MAGI3: variants seen among roughly 807,000 people sequenced by gnomAD.
MAGI3 encodes membrane associated guanylate kinase, WW and PDZ domain containing 3, also known as membrane-associated guanylate kinase, WW and PDZ domain-containing protein 3.
A neutral mutation model predicts 121.8 loss-of-function variants in MAGI3; 43 were observed. That is an observed-to-expected ratio of 0.35 (90% CI 0.28 to 0.46). MAGI3 has a LOEUF of 0.46. Among genes scored for constraint, MAGI3 ranks in the 20% least tolerant of loss-of-function variants. The probability of loss-of-function intolerance (pLI) is 1.00; values close to 1 mark genes in which losing one functional copy is unlikely to be tolerated. For missense variants in MAGI3, 1,547 were observed against 1,797.3 expected, an observed-to-expected ratio of 0.86 and a Z score of 2.52; for synonymous variants, 553 against 639.3, an observed-to-expected ratio of 0.86 and a Z score of 2.04.
At chr1:113,462,588 A>G (rs1655087879) in intron 1 of MAGI3, among the ~76,000 whole-genome samples, 1 of 152,154 alleles carries the variant, frequency 6.6e-6, no homozygotes, top group African/African-American at 2.4e-5. Context: ...GGCGCAGAAA[A>G]TATAACTATT....
chr1:113,672,507 G>A, intron 17 of MAGI3, 108 bp from the exon 18 acceptor site: 1 of 1,275,796 alleles, frequency 7.8e-7, no homozygotes, highest in East Asian at 2.5e-5. Context: ...TGGTTTGTCA[G>A]AGGGAAAATG....
intron 6 of MAGI3, among the ~76,000 whole-genome samples, chr1:113,597,512 C>T (rs1024629006): frequency 1.3e-5 from 2 of 152,114 alleles, no homozygotes; most frequent in Admixed American, 6.5e-5. Context: ...AGGACTTATG[C>T]ACTTCACAAA....
At chr1:113,512,441 G>T (rs1239278271) in intron 1 of MAGI3, among the ~76,000 whole-genome samples, 1 of 152,188 alleles carries the variant, frequency 6.6e-6, no homozygotes, top group Non-Finnish European at 1.5e-5. Flanking sequence ...ACCATCTACA[G>T]ATCTTTGTGT....
intron 1 of MAGI3, among the ~76,000 whole-genome samples, chr1:113,530,663 G>A (rs910525466): frequency 2.0e-5 from 3 of 152,114 alleles, no homozygotes; most frequent in Non-Finnish European, 4.4e-5. Flanking sequence ...CCTTATGCCT[G>A]TAATCCCAGC....
chr1:113,437,816 T>C (rs1050570337), intron 1 of MAGI3, among the ~76,000 whole-genome samples: 1 of 6,984 alleles, frequency 1.4e-4, no homozygotes, highest in East Asian at 0.017. Context: ...TTTCTTCTTC[T>C]TCTTCTTCTT....
At chr1:113,588,901 A>AAG (rs1476490542) in intron 4 of MAGI3, among the ~76,000 whole-genome samples, 1 of 152,126 alleles carries the variant, frequency 6.6e-6, no homozygotes, top group African/African-American at 2.4e-5. Context: ...CCAAGGGGTA[A>AAG]AGAGAATTAT....
intron 8 of MAGI3, among the ~76,000 whole-genome samples, chr1:113,622,366 T>C (rs1650881703): frequency 6.6e-6 from 1 of 152,074 alleles, no homozygotes; most frequent in Non-Finnish European, 1.5e-5. Context: ...TCCTAAATTA[T>C]CCACTAAACA....
intron 19 of MAGI3, among the ~76,000 whole-genome samples, chr1:113,679,897 G>A (rs1387595247): frequency 1.3e-5 from 2 of 151,804 alleles, no homozygotes; most frequent in East Asian, 3.9e-4. Flanking sequence ...TAGAGACCGG[G>A]TTTCTCCATG....
chr1:113,491,325 CTAA>C (rs1652831129), intron 1 of MAGI3, among the ~76,000 whole-genome samples: 1 of 152,100 alleles, frequency 6.6e-6, no homozygotes, highest in African/African-American at 2.4e-5. Flanking sequence ...TTCTTTGAAA[CTAA>C]TGAGAACAAA....
At position 113,580,667 on chromosome 1, in the gene MAGI3, TC is replaced by T. The variant is rs1490903377; in HGVS notation, c.553+10del. On this transcript the variant is annotated splice_region_variant and intron_variant, in intron 3 of 20. Transcript: ENST00000307546. The stretch of plus-strand genomic sequence containing the variant: ...AGAAAGTGGGACATATGATGGTATG[TC>T]CCCAAATAACATCACTACCACCCAA... 1.3e-6 allele frequency: 2 copies of T among 1,595,556 alleles called. No homozygotes were observed. Among genetic ancestry groups the T allele is most frequent in the South Asian group, 1.1e-5 (1 of 87,374 alleles).
intron 17 of MAGI3, among the ~76,000 whole-genome samples, 166 bp downstream of exon 17, chr1:113,672,002 T>A (rs1200302941): frequency 1.3e-5 from 2 of 152,210 alleles, no homozygotes; most frequent in African/African-American, 4.8e-5. Context: ...ACCGTCCCCA[T>A]CACCTCCACC....
At chr1:113,418,043 G>A (rs1055437393) in intron 1 of MAGI3, among the ~76,000 whole-genome samples, 2 of 151,342 alleles carry the variant, frequency 1.3e-5, no homozygotes, top group Admixed American at 6.6e-5. Flanking sequence ...GGGCTTTTTC[G>A]ACCTAAGACC....
chr1:113,415,466 C>T (rs1350188655), intron 1 of MAGI3, among the ~76,000 whole-genome samples: 6 of 151,796 alleles, frequency 4.0e-5, no homozygotes, highest in Non-Finnish European at 8.8e-5. Context: ...TCCTTTTTTT[C>T]CTATCACTTT....
intron 1 of MAGI3, among the ~76,000 whole-genome samples, chr1:113,532,652 T>C (rs990386929): frequency 1.3e-5 from 2 of 152,216 alleles, no homozygotes; most frequent in African/African-American, 4.8e-5. Flanking sequence ...ACGATAGTAT[T>C]CTTCAATAGC....
intron 1 of MAGI3, among the ~76,000 whole-genome samples, chr1:113,452,572 A>T (rs1362612460): frequency 6.6e-6 from 1 of 152,100 alleles, no homozygotes; most frequent in Non-Finnish European, 1.5e-5. Flanking sequence ...ATGGGAATGC[A>T]GTACTGTGAG....
chr1:113,566,595 A>G (rs796210619), intron 2 of MAGI3, among the ~76,000 whole-genome samples: 8 of 152,314 alleles, frequency 5.3e-5, no homozygotes, highest in African/African-American at 1.9e-4. Context: ...TAAATTATGC[A>G]AAGTATCATC....
intron 1 of MAGI3, among the ~76,000 whole-genome samples, chr1:113,544,718 G>T (rs1659450861): frequency 6.6e-6 from 1 of 152,182 alleles, no homozygotes; most frequent in Non-Finnish European, 1.5e-5. Context: ...AGCTTTTAAG[G>T]TTGTGTTTGG....
At chr1:113,608,951 T>C (rs889670303) in intron 6 of MAGI3, among the ~76,000 whole-genome samples, 33 of 152,186 alleles carry the variant, frequency 2.2e-4, no homozygotes, top group Admixed American at 2.2e-3. Context: ...TAAGTATATT[T>C]TTCTTAAAAT....
chr1:113,475,430 G>A lies in MAGI3; in HGVS notation c.317-74085G>A, dbSNP rs539524116. On this transcript the variant is annotated intron_variant, in intron 1 of 20. Transcript: ENST00000307546. ...ACGTTCCATGAATACCTAATTTATT[G>A]AGAGTTTTTAGCATGAAGGGCTGTT... Among the ~76,000 whole-genome samples the A allele has an allele frequency of 3.3e-5, 5 of 152,272 alleles. No individual in the cohort carries two copies. The South Asian group carries it at 1.0e-3, about 32-fold the overall frequency.
Sources: allele counts gnomAD v4.1 joint callset (sites outside exome capture counted in the v4.1 genomes callset), GRCh38; gene constraint gnomAD v4.1.1; transcripts MANE v1.5; gene names NCBI Gene and HGNC (gene_info 2026-07-23, HGNC 2026-07-21).